The following CDH8 variants were observed in gnomAD, a reference collection of about 807,000 sequenced individuals.
The protein encoded by CDH8 is cadherin 8.
CDH8 carries 17 observed loss-of-function variants against 68.1 expected under a neutral mutation model. The observed-to-expected ratio is 0.25, with a 90% CI of 0.17 to 0.37. The LOEUF (loss-of-function observed/expected upper bound fraction) is 0.37, where lower values mean the gene tolerates loss of function less well. CDH8 is among the 10% of genes least tolerant of loss of function. The pLI is 1.00. For missense variants in CDH8, 763 were observed against 999.3 expected, an observed-to-expected ratio of 0.76 and a Z score of 3.19; for synonymous variants, 372 against 365.1, an observed-to-expected ratio of 1.02 and a Z score of -0.21.
At chr16:61,817,328 AC>A in intron 7 of CDH8, 150 bp downstream of exon 7, 7 of 711,920 alleles carry the variant, frequency 9.8e-6, no homozygotes, top group Non-Finnish European at 1.7e-5. Context: ...ACACACACAC[AC>A]ACACACACAC....
chr16:61,702,329 G>C (rs181633362), intron 10 of CDH8, among the ~76,000 whole-genome samples: 1,630 of 151,736 alleles, frequency 0.011, 19 homozygotes, highest in Non-Finnish European at 0.016. Context: ...CGGAGATTGC[G>C]CCACTGCACT....
chr16:62,033,103 C>T (rs77108486), intron 1 of CDH8, among the ~76,000 whole-genome samples: 1 of 152,192 alleles, frequency 6.6e-6, no homozygotes, highest in African/African-American at 2.4e-5. Context: ...CAGTATCAGA[C>T]CTTTGAGTAC....
intron 6 of CDH8, among the ~76,000 whole-genome samples, chr16:61,820,180 C>A (rs561099018): frequency 6.6e-6 from 1 of 151,864 alleles, no homozygotes; most frequent in Non-Finnish European, 1.5e-5. Context: ...AGCAAGGGAA[C>A]GATGAGATTC....
At chr16:61,947,342 C>A (rs2143568013) in intron 2 of CDH8, among the ~76,000 whole-genome samples, 1 of 152,246 alleles carries the variant, frequency 6.6e-6, no homozygotes, top group South Asian at 2.1e-4. Context: ...GTTGAACATT[C>A]CCCAAGCACA....
At chr16:61,702,879 A>C (rs897302952) in intron 10 of CDH8, among the ~76,000 whole-genome samples, 31 of 152,212 alleles carry the variant, frequency 2.0e-4, no homozygotes, top group African/African-American at 7.5e-4. Flanking sequence ...CAGTTTTCTC[A>C]TCAGGAAAAA....
chr16:61,705,115 G>A (rs1964504061), intron 10 of CDH8, among the ~76,000 whole-genome samples: 1 of 152,134 alleles, frequency 6.6e-6, no homozygotes, highest in Non-Finnish European at 1.5e-5. Flanking sequence ...TCCAAGCACG[G>A]CAATTACTAT....
intron 8 of CDH8, among the ~76,000 whole-genome samples, chr16:61,768,353 T>TCTCTCCCTTTCTCTCG (rs1960665335): frequency 9.1e-6 from 1 of 109,376 alleles, no homozygotes; most frequent in Admixed American, 9.6e-5. Context: ...TCTCTCTCTC[T>TCTCTCCCTTTCTCTCG]CTCTCTCTCT....
intron 10 of CDH8, among the ~76,000 whole-genome samples, chr16:61,696,858 A>C (rs1002914148): frequency 6.6e-6 from 1 of 152,190 alleles, no homozygotes; most frequent in Non-Finnish European, 1.5e-5. Flanking sequence ...CAAATACTGC[A>C]TGTTCTCACT....
chr16:61,838,367 A>ACGGAAT (rs1962612264), intron 4 of CDH8, among the ~76,000 whole-genome samples: 1 of 152,134 alleles, frequency 6.6e-6, no homozygotes, highest in African/African-American at 2.4e-5. Flanking sequence ...CGGATATTGA[A>ACGGAAT]GTTCCACCTT....
At chr16:61,662,087 G>GT in intron 10 of CDH8, among the ~76,000 whole-genome samples, 18,221 of 92,600 alleles carry the variant, frequency 0.2, 1,933 homozygotes, top group Non-Finnish European at 0.24. Flanking sequence ...TTTTACTTTA[G>GT]TTTTTTTTTT....
chr16:62,014,362 CTTG>C (rs1038196759), intron 2 of CDH8, among the ~76,000 whole-genome samples: 1 of 152,166 alleles, frequency 6.6e-6, no homozygotes, highest in Non-Finnish European at 1.5e-5. Flanking sequence ...GGAGCCAACT[CTTG>C]TTGTCTGGCC....
intron 7 of CDH8, among the ~76,000 whole-genome samples, chr16:61,809,096 G>C (rs930289832): frequency 1.3e-5 from 2 of 151,728 alleles, no homozygotes; most frequent in Admixed American, 1.3e-4. Flanking sequence ...TGAGGCAGGA[G>C]AATCGCTTGA....
At chr16:61,698,072 A>C (rs777529662) in intron 10 of CDH8, among the ~76,000 whole-genome samples, 1 of 152,152 alleles carries the variant, frequency 6.6e-6, no homozygotes, top group Non-Finnish European at 1.5e-5. Flanking sequence ...TACTCTCTCC[A>C]TTTAGTTTTC....
chr16:61,653,498 TG>T lies in CDH8; in HGVS notation c.*109del. On this transcript the variant is annotated 3_prime_UTR_variant, in exon 12 of 12. Coordinates refer to ENST00000577390, the MANE Select transcript of CDH8 (RefSeq NM_001796.5). ...AAATGTGGTTGAGTTTATAGATGAC[TG>T]GTGCTAAACTTGCCTCTAAAACAAA... 9 of 1,495,422 alleles carry T rather than the reference TG, an allele frequency of 6.0e-6. No homozygotes were observed. Among genetic ancestry groups the T allele is most frequent in the Non-Finnish European group, 8.0e-6 (9 of 1,124,048 alleles). 92.6% of individuals were successfully genotyped at this position (1,495,422 alleles called of 1,614,324 possible).
chr16:61,780,735 A>G (rs1037166329), intron 8 of CDH8, among the ~76,000 whole-genome samples: 2 of 152,206 alleles, frequency 1.3e-5, no homozygotes, highest in Non-Finnish European at 2.9e-5. Flanking sequence ...GATGGGCTAA[A>G]TAATCAAATC....
At position 61,652,102 on chromosome 16, in the gene CDH8, A is replaced by G; in HGVS notation, c.*1506T>C. ...GAGTGAATAAACAATATTGCATTAA[A>G]GCAAAGTAGAAAATTAAAATGATCT... On this transcript the variant is annotated 3_prime_UTR_variant, in exon 12 of 12. Coordinates refer to ENST00000577390, the MANE Select transcript of CDH8 (RefSeq NM_001796.5). 3.2e-6 allele frequency: 3 copies of G among 945,954 alleles called. No homozygotes were observed. The highest frequency in any genetic ancestry group is 3.8e-6 in the Non-Finnish European group (3 of 793,946). The allele number at this position is 945,954 out of a possible 1,614,324, so 58.6% of individuals were successfully genotyped here.
Position 61,825,051 on chromosome 16 carries a change from G to C in CDH8, c.796C>G (p.Leu266Val). The change falls in exon 5 of 12, where the codon CTT becomes GTT. Residue 266 changes from leucine to valine, a missense_variant. This residue lies in a region of CDH8 where 366 missense variants were observed against 563.1 expected (regional missense o/e 0.65). Transcript: ENST00000577390. ...GGAGGATTGTCATTAACATCAGTAA[G>C]AGTCACTGTAAGTGTCGTGGTCCCA... ...LSGTTTLTVT[L>V]TDVNDNPPKF... is the part of the protein sequence containing the mutation. 3 of 1,611,900 alleles carry C rather than the reference G, an allele frequency of 1.9e-6. No individual in the cohort carries two copies. The highest frequency in any genetic ancestry group is 2.5e-6 in the Non-Finnish European group (3 of 1,178,696).
chr16:61,712,166 C>A (rs1401563662), intron 10 of CDH8, among the ~76,000 whole-genome samples: 1 of 151,614 alleles, frequency 6.6e-6, no homozygotes, highest in Non-Finnish European at 1.5e-5. Flanking sequence ...TAAACTTTTA[C>A]CTTCTACTAA....
chr16:61,720,309 T>A (rs1409151715), intron 9 of CDH8, among the ~76,000 whole-genome samples: 1 of 151,028 alleles, frequency 6.6e-6, no homozygotes, highest in Non-Finnish European at 1.5e-5. Flanking sequence ...TACAGTCAAT[T>A]TGACTTTCTT....
Sources: gnomAD v4.1 joint callset for allele counts (sites outside exome capture counted in the v4.1 genomes callset) on GRCh38, gnomAD v4.1.1 for gene constraint, gnomAD v4.1.1 regional missense constraint, MANE v1.5 for transcripts, NCBI Gene and HGNC (gene_info 2026-07-23, HGNC 2026-07-21) for gene names.